Variants in ABLIM1 observed in about 807,000 individuals in gnomAD.
ABLIM1 encodes the protein actin binding LIM protein 1.
ABLIM1 carries 40 observed loss-of-function variants against 107.0 expected under a neutral mutation model. The observed-to-expected ratio is 0.37, with a 90% CI of 0.29 to 0.49. The LOEUF (loss-of-function observed/expected upper bound fraction) is 0.49, where lower values mean the gene tolerates loss of function less well. ABLIM1 is among the 20% of genes least tolerant of loss of function. ABLIM1 has a pLI of 0.97. For missense variants in ABLIM1, 857 were observed against 1,008.5 expected (o/e 0.85, Z 2.04); for synonymous variants, 357 against 357.3 (o/e 1.00, Z 0.01).
intron 6 of ABLIM1, among the ~76,000 whole-genome samples, chr10:114,502,715 T>C (rs1402388474): frequency 6.6e-6 from 1 of 152,152 alleles, no homozygotes; most frequent in Non-Finnish European, 1.5e-5. Flanking sequence ...CAGACTGGTC[T>C]CGAGCTCCTG....
At chr10:114,608,710 C>A (rs1398554327) in intron 1 of ABLIM1, among the ~76,000 whole-genome samples, 2 of 151,852 alleles carry the variant, frequency 1.3e-5, no homozygotes, top group Non-Finnish European at 2.9e-5. Context: ...CAAAATAAAG[C>A]TTATTTTAAA....
chr10:114,729,845 T>A (rs1239272763), intron 1 of ABLIM1, among the ~76,000 whole-genome samples: 1 of 152,112 alleles, frequency 6.6e-6, no homozygotes, highest in Non-Finnish European at 1.5e-5. Context: ...AACAACAGTT[T>A]TCTCACTCTT....
At chr10:114,720,274 T>C (rs1179609570) in intron 1 of ABLIM1, among the ~76,000 whole-genome samples, 1 of 152,222 alleles carries the variant, frequency 6.6e-6, no homozygotes, top group African/African-American at 2.4e-5. Context: ...AGTCTATCAT[T>C]GATGGGCACT....
At chr10:114,468,632 T>C (rs979281844) in intron 10 of ABLIM1, among the ~76,000 whole-genome samples, 5 of 151,816 alleles carry the variant, frequency 3.3e-5, no homozygotes, top group Non-Finnish European at 7.4e-5. Flanking sequence ...TTAGCCAACA[T>C]GTACCTGCCA....
chr10:114,704,215 C>G (rs2081359396), intron 1 of ABLIM1, among the ~76,000 whole-genome samples: 3 of 148,596 alleles, frequency 2.0e-5, no homozygotes, highest in South Asian at 2.2e-4. Context: ...TTAGGCTTTT[C>G]TAGTTAGTGA....
chr10:114,764,753 A>G (rs923180902), intron 1 of ABLIM1: 1 of 152,286 alleles, frequency 6.6e-6, no homozygotes, highest in African/African-American at 2.4e-5. Flanking sequence ...GTTCTCCCCA[A>G]GAGGATGAAG....
At chr10:114,684,065 ATCCTGT>A in intron 1 of ABLIM1, among the ~76,000 whole-genome samples, 1 of 152,310 alleles carries the variant, frequency 6.6e-6, no homozygotes, top group East Asian at 1.9e-4. Flanking sequence ...CGATTTTAAC[ATCCTGT>A]TATATTAAGA....
chr10:114,709,923 A>T (rs1200236407), intron 1 of ABLIM1, among the ~76,000 whole-genome samples: 1 of 152,146 alleles, frequency 6.6e-6, no homozygotes, highest in East Asian at 1.9e-4. Flanking sequence ...GGGTTCTCAA[A>T]CTTACATAAG....
chr10:114,622,072 C>A (rs1232550590), intron 1 of ABLIM1, among the ~76,000 whole-genome samples: 1 of 152,114 alleles, frequency 6.6e-6, no homozygotes, highest in South Asian at 2.1e-4. Flanking sequence ...TGGCAGCAGT[C>A]CAGTAGACAC....
At chr10:114,481,291 C>A (rs570214028) in intron 8 of ABLIM1, among the ~76,000 whole-genome samples, 8 of 152,046 alleles carry the variant, frequency 5.3e-5, no homozygotes, top group Admixed American at 3.3e-4. Context: ...GCCCTCCCCC[C>A]ATTCAGCAGG....
intron 1 of ABLIM1, among the ~76,000 whole-genome samples, chr10:114,677,307 GT>G (rs1476330171): frequency 1.3e-5 from 2 of 152,158 alleles, no homozygotes; most frequent in Non-Finnish European, 2.9e-5. Flanking sequence ...CTTCTTCTGT[GT>G]GTATTATGAC....
chr10:114,690,517 C>G, intron 1 of ABLIM1: 2 of 1,456,378 alleles, frequency 1.4e-6, no homozygotes, highest in East Asian at 2.3e-5. Context: ...CCTTTCTCTC[C>G]CATGCCCAGA....
rs545139218 is a variant in ABLIM1 at position 114,468,041 on chromosome 10, C to A, written c.1311+140G>T. The stretch of plus-strand genomic sequence containing the variant: ...GAGTCTCCTCTTTCACGGAGGTAAT[C>A]CCCAAAGCCACCATAACCCCACATG... On this transcript the variant is annotated intron_variant, in intron 11 of 22. Coordinates refer to ENST00000533213, the MANE Select transcript of ABLIM1 (RefSeq NM_002313.7). The A allele has an allele frequency of 4.3e-5, 31 of 725,546 alleles. No individual in the cohort carries two copies. In the African/African-American group the frequency reaches 5.2e-4, roughly 12 times the overall value. The allele number at this position is 725,546 out of a possible 1,614,324, so 44.9% of individuals were successfully genotyped here.
chr10:114,477,269 C>T (rs2056599239), intron 8 of ABLIM1, among the ~76,000 whole-genome samples: 1 of 152,170 alleles, frequency 6.6e-6, no homozygotes, highest in Admixed American at 6.5e-5. Flanking sequence ...AGAATGCTTG[C>T]TAACTGAAAA....
intron 1 of ABLIM1, among the ~76,000 whole-genome samples, chr10:114,634,427 C>T (rs536999875): frequency 1.6e-4 from 25 of 152,112 alleles, no homozygotes; most frequent in Admixed American, 5.2e-4. Flanking sequence ...CCACCGCGCC[C>T]GGCCTCAATT....
intron 1 of ABLIM1, among the ~76,000 whole-genome samples, chr10:114,746,597 T>C (rs1358047902): frequency 6.6e-6 from 1 of 152,220 alleles, no homozygotes; most frequent in Non-Finnish European, 1.5e-5. Context: ...TTTTGGTTCA[T>C]ATGGTAATTT....
intron 1 of ABLIM1, among the ~76,000 whole-genome samples, chr10:114,673,213 A>T (rs1273085403): frequency 3.3e-5 from 5 of 150,158 alleles, no homozygotes; most frequent in African/African-American, 1.2e-4. Flanking sequence ...AGCCGAGATC[A>T]TGCCACTACA....
chr10:114,448,306 C>CA (rs1035244504), intron 14 of ABLIM1, among the ~76,000 whole-genome samples: 2 of 151,946 alleles, frequency 1.3e-5, no homozygotes, highest in African/African-American at 2.4e-5. Context: ...GCTATTTAAA[C>CA]AAAAAAAATT....
intron 1 of ABLIM1, among the ~76,000 whole-genome samples, chr10:114,621,841 A>G (rs2077482970): frequency 6.6e-6 from 1 of 152,252 alleles, no homozygotes; most frequent in African/African-American, 2.4e-5. Context: ...GGCCGCTACT[A>G]GAAGCCCTTC....
Sources: allele counts gnomAD v4.1 joint callset (sites outside exome capture counted in the v4.1 genomes callset), GRCh38; gene constraint gnomAD v4.1.1; transcripts MANE v1.5; gene names NCBI Gene and HGNC (gene_info 2026-07-23, HGNC 2026-07-21).